The following EPB41L2 variants were observed in gnomAD, a reference collection of about 807,000 sequenced individuals.
EPB41L2 encodes band 4.1-like protein 2.
EPB41L2 carries 43 observed loss-of-function variants against 113.0 expected under a neutral mutation model. That is an observed-to-expected ratio of 0.38 (90% CI 0.30 to 0.49). The LOEUF is 0.49. Ranked by LOEUF, EPB41L2 falls within the 20% of genes least tolerant of loss-of-function variation. The pLI is 0.95. For missense variants in EPB41L2, 1,147 were observed against 1,223.4 expected, an observed-to-expected ratio of 0.94 and a Z score of 0.93; for synonymous variants, 442 against 436.7, an observed-to-expected ratio of 1.01 and a Z score of -0.15.
chr6:130,902,168 T>G (rs909363215), intron 6 of EPB41L2, among the ~76,000 whole-genome samples: 1 of 152,232 alleles, frequency 6.6e-6, no homozygotes, highest in Non-Finnish European at 1.5e-5. Context: ...TAAGACCTTT[T>G]AGAGACTGGC....
intron 18 of EPB41L2, among the ~76,000 whole-genome samples, chr6:130,858,545 G>T (rs569766929): frequency 5.9e-5 from 9 of 152,222 alleles, no homozygotes; most frequent in Admixed American, 1.3e-4. Flanking sequence ...CAGTTCTTTG[G>T]AGCTTAGCAT....
At chr6:130,898,019 T>TA (rs1211858985) in intron 8 of EPB41L2, among the ~76,000 whole-genome samples, 2,038 of 137,338 alleles carry the variant, frequency 0.015, 21 homozygotes, top group Middle Eastern at 0.038. Context: ...AATAGTAAGT[T>TA]AAAAAAAAAA....
intron 1 of EPB41L2, among the ~76,000 whole-genome samples, chr6:131,041,840 CTAACTT>C (rs1370704065): frequency 1.3e-5 from 2 of 152,144 alleles, no homozygotes; most frequent in Admixed American, 6.5e-5. Flanking sequence ...TATCTGGATT[CTAACTT>C]TAACTATAGA....
intron 18 of EPB41L2, 72 bp downstream of exon 18, chr6:130,863,566 C>T (rs540702712): frequency 4.4e-5 from 48 of 1,082,094 alleles, no homozygotes; most frequent in Admixed American, 2.1e-4. Context: ...CACAGGTATG[C>T]GACATGATGA....
chr6:131,006,510 A>C (rs1397403015), intron 1 of EPB41L2, among the ~76,000 whole-genome samples: 1 of 151,658 alleles, frequency 6.6e-6, no homozygotes, highest in Non-Finnish European at 1.5e-5. Flanking sequence ...AAAAACAAAC[A>C]AACAAAAAAT....
intron 19 of EPB41L2, among the ~76,000 whole-genome samples, chr6:130,853,516 G>A (rs935831281): frequency 2.0e-5 from 3 of 152,214 alleles, no homozygotes; most frequent in Non-Finnish European, 2.9e-5. Context: ...GTCCTTGAAA[G>A]GACATTAAAA....
chr6:130,975,793 G>A (rs1283734114), intron 1 of EPB41L2, among the ~76,000 whole-genome samples: 4 of 152,198 alleles, frequency 2.6e-5, no homozygotes, highest in African/African-American at 9.6e-5. Flanking sequence ...GGAGGCCAAG[G>A]TGGGTGGATC....
At chr6:131,011,838 T>A (rs957050741) in intron 1 of EPB41L2, among the ~76,000 whole-genome samples, 1 of 152,168 alleles carries the variant, frequency 6.6e-6, no homozygotes, top group Admixed American at 6.5e-5. Context: ...GAATCCAGTG[T>A]ACAGTAAATG....
intron 3 of EPB41L2, among the ~76,000 whole-genome samples, chr6:130,950,302 G>GA (rs1352094265): frequency 1.3e-5 from 2 of 148,252 alleles, no homozygotes; most frequent in Non-Finnish European, 3.0e-5. Context: ...TTTCCTTTGG[G>GA]AAAAAATATA....
intron 1 of EPB41L2, among the ~76,000 whole-genome samples, chr6:131,058,857 A>G (rs1193143503): frequency 6.6e-6 from 1 of 152,138 alleles, no homozygotes; most frequent in Non-Finnish European, 1.5e-5. Flanking sequence ...CTCTACTAAA[A>G]ATACAAAAAT....
At chr6:130,941,798 A>T (rs1810989983) in intron 3 of EPB41L2, among the ~76,000 whole-genome samples, 1 of 152,240 alleles carries the variant, frequency 6.6e-6, no homozygotes. Context: ...TATGAGATGT[A>T]GTTTGATTAC....
At chr6:130,876,705 G>C in intron 14 of EPB41L2, 2 of 1,304,110 alleles carry the variant, frequency 1.5e-6, no homozygotes, top group Non-Finnish European at 2.0e-6. Context: ...TTCTTCAACT[G>C]TCCATATTGT....
At chr6:130,996,812 A>T (rs1783238827) in intron 1 of EPB41L2, among the ~76,000 whole-genome samples, 1 of 152,220 alleles carries the variant, frequency 6.6e-6, no homozygotes. Context: ...AAATGTGGGT[A>T]CCTGGAAATT....
At chr6:130,868,745 C>A (rs1180050290) in intron 15 of EPB41L2, 1 of 152,142 alleles carries the variant, frequency 6.6e-6, no homozygotes, top group African/African-American at 2.4e-5. Flanking sequence ...CCTCCCTCAG[C>A]CTAACTCCCA....
chr6:130,903,821 T>A (rs1796969743), intron 6 of EPB41L2, among the ~76,000 whole-genome samples: 1 of 152,212 alleles, frequency 6.6e-6, no homozygotes, highest in African/African-American at 2.4e-5. Flanking sequence ...TGGGCTAAGA[T>A]TTCAAGGTAC....
chr6:130,906,277 C>A (rs1369834075), intron 5 of EPB41L2, among the ~76,000 whole-genome samples: 1 of 152,108 alleles, frequency 6.6e-6, no homozygotes, highest in Non-Finnish European at 1.5e-5. Context: ...TAATATACTT[C>A]CAAATCTAAA....
intron 4 of EPB41L2, among the ~76,000 whole-genome samples, 192 bp downstream of exon 4, chr6:130,926,401 CACACACACAAAT>C (rs1277091126): frequency 6.6e-6 from 1 of 152,208 alleles, no homozygotes; most frequent in African/African-American, 2.4e-5. Flanking sequence ...CATATGCATG[CACACACACAAAT>C]ACACATACAC....
chr6:130,999,601 T>C (rs369092020), intron 1 of EPB41L2, among the ~76,000 whole-genome samples: 1 of 152,166 alleles, frequency 6.6e-6, no homozygotes, highest in Non-Finnish European at 1.5e-5. Flanking sequence ...CCCTGCATGA[T>C]TGCTTCTCAT....
intron 1 of EPB41L2, among the ~76,000 whole-genome samples, chr6:131,003,064 T>C (rs1784698010): frequency 6.6e-6 from 1 of 152,202 alleles, no homozygotes; most frequent in East Asian, 1.9e-4. Context: ...CTAAATTTCC[T>C]AATCAGTAAA....
Sources: allele counts gnomAD v4.1 joint callset (sites outside exome capture counted in the v4.1 genomes callset), GRCh38; gene constraint gnomAD v4.1.1; transcripts MANE v1.5; gene names NCBI Gene and HGNC (gene_info 2026-07-23, HGNC 2026-07-21).